Variants in CFAP58 observed in about 807,000 individuals in gnomAD.
The protein encoded by CFAP58 is cilia- and flagella-associated protein 58.
In CFAP58, 88 loss-of-function variants were observed where a neutral mutation model predicts 119.5. That is an observed-to-expected ratio of 0.74 (90% CI 0.62 to 0.88). The LOEUF is 0.88. Ranked by LOEUF, CFAP58 falls within the 40% of genes least tolerant of loss-of-function variation. The pLI is 0.00. For synonymous variants in CFAP58, 365 were observed against 366.3 expected, an observed-to-expected ratio of 1.00 and a Z score of 0.04; for missense variants, 990 against 1,021.2, an observed-to-expected ratio of 0.97 and a Z score of 0.42.
At chr10:104,413,977 G>C (rs1297714714) in intron 15 of CFAP58, among the ~76,000 whole-genome samples, 1 of 152,058 alleles carries the variant, frequency 6.6e-6, no homozygotes, top group African/African-American at 2.4e-5. Flanking sequence ...TAACCTCATG[G>C]CCAGGCATGT....
chr10:104,436,611 AC>A (rs1397864673), intron 15 of CFAP58, among the ~76,000 whole-genome samples: 3 of 152,054 alleles, frequency 2.0e-5, no homozygotes, highest in African/African-American at 7.2e-5. Context: ...TCTCACTAGT[AC>A]TCATTCTTGC....
At chr10:104,353,789 G>T, upstream of CFAP58, 1 of 1,374,464 alleles carries the variant, frequency 7.3e-7, no homozygotes, top group Non-Finnish European at 1.0e-6. Context: ...TTCCGCTCGG[G>T]GCGGGCGATA....
rs541514292 is a variant in CFAP58 at position 104,387,506 on chromosome 10, T to C, written c.1366-4727T>C. 2.0e-5 allele frequency among the ~76,000 whole-genome samples: 3 copies of C among 152,318 alleles called. No homozygotes were observed. The East Asian group carries it at 5.8e-4, about 29-fold the overall frequency. ...AGCAAGGGAAATGCACTTCTCTCTT[T>C]AGGTTGTGGGACAAGGGGAGAGAGT... On this transcript the variant is annotated intron_variant, in intron 9 of 17. Transcript: ENST00000369704.
At chr10:104,376,294 A>T (rs1415247613) in intron 7 of CFAP58, among the ~76,000 whole-genome samples, 1 of 151,734 alleles carries the variant, frequency 6.6e-6, no homozygotes, top group Non-Finnish European at 1.5e-5. Context: ...AATTTGGGCA[A>T]GAGGAAAAAA....
chr10:104,451,000 G>GA (rs755617944), intron 17 of CFAP58, among the ~76,000 whole-genome samples: 117 of 152,194 alleles, frequency 7.7e-4, no homozygotes, highest in Admixed American at 3.5e-3. Flanking sequence ...CTCCCATGTT[G>GA]AAAAACAAAA....
rs142307963 is a variant in CFAP58, at chr10:104,423,131, A to G, written c.2256+16338A>G. ...ATTTTTTATTCCCTTTATTTAGGAA[A>G]TTATGGTTTGCTGTAGGACATAGTT... On this transcript the variant is annotated intron_variant, in intron 15 of 17. Coordinates refer to ENST00000369704, the MANE Select transcript of CFAP58 (RefSeq NM_001008723.2). 3.4e-4 allele frequency among the ~76,000 whole-genome samples: 51 copies of G among 152,218 alleles called. No individual in the cohort carries two copies. The East Asian group carries it at 9.5e-3, about 28-fold the overall frequency.
At chr10:104,378,572 A>G (rs1396248117) in intron 8 of CFAP58, among the ~76,000 whole-genome samples, 1 of 152,188 alleles carries the variant, frequency 6.6e-6, no homozygotes, top group Non-Finnish European at 1.5e-5. Flanking sequence ...GGATGAAAGC[A>G]TCTCTCTCTG....
intron 15 of CFAP58, among the ~76,000 whole-genome samples, chr10:104,411,042 C>T (rs933768058): frequency 3.3e-5 from 5 of 152,052 alleles, no homozygotes; most frequent in East Asian, 1.9e-4. Flanking sequence ...CAGGTTCAAG[C>T]GATTCTCCTG....
At position 104,440,682 on chromosome 10, in the gene CFAP58, A is replaced by C. The variant is rs548914532; in HGVS notation, c.2257-7016A>C. Among the ~76,000 whole-genome samples, 7 of 152,368 alleles carry C rather than the reference A, an allele frequency of 4.6e-5. No homozygotes were observed. The South Asian group carries it at 1.4e-3, about 32-fold the overall frequency. ...GTATTCAGATAAATTTAAGAAATTT[A>C]ATCGTCATAGAGACAATGGATACTA... On this transcript the variant is annotated intron_variant, in intron 15 of 17. Transcript: ENST00000369704.
At chr10:104,371,741 A>T (rs565646225) in intron 7 of CFAP58, among the ~76,000 whole-genome samples, 85 of 152,220 alleles carry the variant, frequency 5.6e-4, no homozygotes, top group Non-Finnish European at 1.1e-3. Flanking sequence ...TCCATCCATC[A>T]TCATCCAGAT....
chr10:104,358,074 T>TACATATATACAC (rs2014615115), intron 1 of CFAP58, among the ~76,000 whole-genome samples: 1 of 149,368 alleles, frequency 6.7e-6, no homozygotes, highest in African/African-American at 2.5e-5. Context: ...TACACATATG[T>TACATATATACAC]ACATATATAT....
chr10:104,420,621 T>G (rs2012640041), intron 15 of CFAP58, among the ~76,000 whole-genome samples: 1 of 152,152 alleles, frequency 6.6e-6, no homozygotes, highest in African/African-American at 2.4e-5. Flanking sequence ...AATGTGCTCA[T>G]GTACTCCTAC....
intron 15 of CFAP58, among the ~76,000 whole-genome samples, chr10:104,410,431 A>G (rs1043712480): frequency 3.4e-4 from 51 of 152,180 alleles, no homozygotes; most frequent in African/African-American, 1.2e-3. Flanking sequence ...TCTTTAACCA[A>G]TAGATTTTTC....
At chr10:104,356,245 G>A (rs1204282753) in intron 1 of CFAP58, among the ~76,000 whole-genome samples, 3 of 152,190 alleles carry the variant, frequency 2.0e-5, no homozygotes, top group Non-Finnish European at 2.9e-5. Context: ...TGTTTTGCTT[G>A]CATGTCATCG....
intron 17 of CFAP58, among the ~76,000 whole-genome samples, chr10:104,451,956 C>T (rs1188810131): frequency 2.0e-5 from 3 of 150,026 alleles, no homozygotes; most frequent in East Asian, 2.0e-4. Context: ...CCAGGCTGGT[C>T]TCGAATTCCT....
chr10:104,393,762 A>G (rs1265960375), intron 11 of CFAP58, among the ~76,000 whole-genome samples: 1 of 152,210 alleles, frequency 6.6e-6, no homozygotes, highest in Non-Finnish European at 1.5e-5. Flanking sequence ...TCAGTGGGAG[A>G]GAACCTAGCA....
intron 15 of CFAP58, among the ~76,000 whole-genome samples, chr10:104,443,074 T>A (rs1164219216): frequency 6.6e-6 from 1 of 152,174 alleles, no homozygotes; most frequent in Non-Finnish European, 1.5e-5. Flanking sequence ...CAACAGCAGG[T>A]GCGAGTTATA....
chr10:104,428,651 T>C (rs960867085), intron 15 of CFAP58, among the ~76,000 whole-genome samples: 1 of 152,120 alleles, frequency 6.6e-6, no homozygotes, highest in African/African-American at 2.4e-5. Context: ...AGGGTGAAGA[T>C]AGGAATGCAT....
chr10:104,392,499 A>C, intron 10 of CFAP58, 105 bp downstream of exon 10: 2 of 780,866 alleles, frequency 2.6e-6, no homozygotes, highest in South Asian at 5.2e-5. Flanking sequence ...TAAAAAAAAA[A>C]CTCATGGAAT....
Sources: allele counts gnomAD v4.1 joint callset (sites outside exome capture counted in the v4.1 genomes callset), GRCh38; gene constraint gnomAD v4.1.1; transcripts MANE v1.5; gene names NCBI Gene and HGNC (gene_info 2026-07-23, HGNC 2026-07-21).